ATAD1: variants seen among roughly 807,000 people sequenced by gnomAD.
The protein encoded by ATAD1 is ATPase family AAA domain containing 1.
ATAD1 carries 18 observed loss-of-function variants against 42.7 expected under a neutral mutation model. That is an observed-to-expected ratio of 0.42 (90% CI 0.29 to 0.63). ATAD1 has a LOEUF of 0.63. ATAD1 is among the 20% of genes least tolerant of loss of function. ATAD1 has a pLI of 0.19. For missense variants in ATAD1, 294 were observed against 440.4 expected, an observed-to-expected ratio of 0.67 and a Z score of 2.98; for synonymous variants, 132 against 143.1, an observed-to-expected ratio of 0.92 and a Z score of 0.55.
At chr10:87,794,064 T>C (rs1856260381) in intron 2 of ATAD1, among the ~76,000 whole-genome samples, 1 of 151,874 alleles carries the variant, frequency 6.6e-6, no homozygotes, top group Non-Finnish European at 1.5e-5. Flanking sequence ...CTACAAAAAA[T>C]CAAAACTTAG....
chr10:87,754,950 C>T, intron 9 of ATAD1, 143 bp from the exon 10 acceptor site: 1 of 987,336 alleles, frequency 1.0e-6, no homozygotes, highest in Non-Finnish European at 1.4e-6. Flanking sequence ...AAAATGAAAT[C>T]TCTTTACCAT....
At chr10:87,821,541 A>G (rs1290246780), upstream of ATAD1, among the ~76,000 whole-genome samples, 1 of 152,112 alleles carries the variant, frequency 6.6e-6, no homozygotes, top group Non-Finnish European at 1.5e-5. Flanking sequence ...CAAAAAAAAA[A>G]ATTAGGTGTT....
Position 87,754,490 on chromosome 10 carries a change from TTCC to T in ATAD1, c.*194_*196del, listed in dbSNP as rs1854133266. The T allele has an allele frequency of 2.0e-6, 1 of 499,154 alleles. No homozygotes were observed. The highest frequency in any genetic ancestry group is 3.2e-6 in the Non-Finnish European group (1 of 312,890). The allele number at this position is 499,154 out of a possible 1,614,324, so 30.9% of individuals were successfully genotyped here. ...CCCACGTTCAGGCTGGATTCAACTG[TTCC>T]TCCTCATGATTTTTGACCAACAGTA... On this transcript the variant is annotated 3_prime_UTR_variant, in exon 10 of 10. Coordinates refer to ENST00000680024, the MANE Select transcript of ATAD1 (RefSeq NM_001321967.2).
At chr10:87,756,505 TG>T (rs1854229202) in intron 9 of ATAD1, among the ~76,000 whole-genome samples, 1 of 152,220 alleles carries the variant, frequency 6.6e-6, no homozygotes, top group Non-Finnish European at 1.5e-5. Context: ...CCAATTTACA[TG>T]GGAAATTTCC....
At chr10:87,795,257 C>CA (rs1000501169) in intron 2 of ATAD1, among the ~76,000 whole-genome samples, 3 of 151,870 alleles carry the variant, frequency 2.0e-5, no homozygotes, top group Admixed American at 6.6e-5. Context: ...TGGAACACAC[C>CA]AAAAAACACA....
At chr10:87,767,572 T>C (rs1301638612) in intron 8 of ATAD1, 101 bp downstream of exon 8, 1 of 1,095,814 alleles carries the variant, frequency 9.1e-7, no homozygotes, top group Non-Finnish European at 1.4e-6. Flanking sequence ...TGGAGATCCT[T>C]GGGGTATATC....
At position 87,831,604 on chromosome 10, in the gene ATAD1, T is replaced by C. The variant is rs574640469; in HGVS notation, c.-14+9583A>G. On this transcript the variant is annotated intron_variant, in intron 1 of 4. Transcript: ENST00000495903. The stretch of plus-strand genomic sequence containing the variant: ...TCTTCACTAGAGTTTGGGTCCTCCA[T>C]GCTGTACCAGTCACAATTTTGAGGG... Among the ~76,000 whole-genome samples the C allele has an allele frequency of 1.1e-4, 17 of 152,328 alleles. No homozygotes were observed. In the South Asian group the frequency reaches 3.5e-3, roughly 32 times the overall value.
intron 8 of ATAD1, among the ~76,000 whole-genome samples, chr10:87,757,164 C>A (rs796322450): frequency 1.3e-5 from 2 of 150,696 alleles, no homozygotes; most frequent in Admixed American, 1.3e-4. Context: ...TGGGGAAGAA[C>A]GGATATTGGA....
At chr10:87,809,531 TAA>T (rs35154376) in intron 2 of ATAD1, among the ~76,000 whole-genome samples, 17 of 146,962 alleles carry the variant, frequency 1.2e-4, no homozygotes, top group African/African-American at 1.5e-4. Flanking sequence ...GAACTTTCAT[TAA>T]AAAAAAAAAA....
chr10:87,771,148 T>C (rs1178320182), intron 6 of ATAD1, 107 bp from the exon 7 acceptor site: 6 of 714,054 alleles, frequency 8.4e-6, no homozygotes, highest in Non-Finnish European at 1.3e-5. Context: ...TTTAACTAAA[T>C]CCTTTGTAAG....
At chr10:87,780,218 C>A (rs1304392689) in intron 5 of ATAD1, among the ~76,000 whole-genome samples, 6 of 152,026 alleles carry the variant, frequency 3.9e-5, no homozygotes, top group Non-Finnish European at 7.4e-5. Flanking sequence ...GAAAAGATTA[C>A]ATAATGTATG....
intron 3 of ATAD1, among the ~76,000 whole-genome samples, chr10:87,792,225 A>T (rs1241564129): frequency 6.6e-6 from 1 of 152,220 alleles, no homozygotes. Flanking sequence ...TGCAAACAAT[A>T]TGGTTTATGG....
chr10:87,826,705 C>T (rs566963000), intron 1 of ATAD1, among the ~76,000 whole-genome samples: 2 of 152,352 alleles, frequency 1.3e-5, no homozygotes, highest in South Asian at 4.1e-4. Flanking sequence ...AGTGTCCTCA[C>T]AGGCTAGTAT....
At position 87,752,350 on chromosome 10, in the gene ATAD1, AG is replaced by A. The variant is rs2131739238; in HGVS notation, c.*2336del. On this transcript the variant is annotated 3_prime_UTR_variant, in exon 10 of 10. Coordinates refer to ENST00000680024, the MANE Select transcript of ATAD1 (RefSeq NM_001321967.2). ...TGGTTTAAGCATGGAGAATGCTTAA[AG>A]AATGAGCCTGGTCAACAGGAAATGT... The A allele has an allele frequency of 6.6e-6, 1 of 152,362 alleles. No homozygotes were observed. The highest frequency in any genetic ancestry group is 2.1e-4 in the South Asian group (1 of 4,832). The allele number at this position is 152,362 out of a possible 1,614,324, so 9.4% of individuals were successfully genotyped here.
chr10:87,793,394 A>G (rs1856223935), intron 2 of ATAD1, among the ~76,000 whole-genome samples: 1 of 152,240 alleles, frequency 6.6e-6, no homozygotes, highest in Admixed American at 6.5e-5. Context: ...CAATTAAAAT[A>G]AAGATAATGA....
intron 1 of ATAD1, among the ~76,000 whole-genome samples, chr10:87,829,536 G>A (rs1435640825): frequency 6.6e-6 from 1 of 152,158 alleles, no homozygotes; most frequent in African/African-American, 2.4e-5. Flanking sequence ...TTACAGGCAT[G>A]AGCCACCTCG....
intron 1 of ATAD1, among the ~76,000 whole-genome samples, chr10:87,839,595 C>T (rs758429241): frequency 6.6e-6 from 1 of 152,140 alleles, no homozygotes; most frequent in Non-Finnish European, 1.5e-5. Context: ...TAGAACTAGG[C>T]TATTGTCTCA....
At chr10:87,762,299 T>C (rs535023622) in intron 8 of ATAD1, among the ~76,000 whole-genome samples, 4 of 152,324 alleles carry the variant, frequency 2.6e-5, no homozygotes, top group Admixed American at 2.0e-4. Flanking sequence ...GTCTCCAAAA[T>C]TGTAACTACC....
rs7897414 is a variant in ATAD1 at position 87,780,174 on chromosome 10, T to C, written c.584-3747A>G. On this transcript the variant is annotated intron_variant, in intron 5 of 9. Coordinates refer to ENST00000680024, the MANE Select transcript of ATAD1 (RefSeq NM_001321967.2). Reference sequence around the variant, plus strand: ...ATCATGAAAAGATGTGGAGGAAACTTAAATGCATATTGCTAAGGGAAAGAA... The same window carrying C: ...ATCATGAAAAGATGTGGAGGAAACTCAAATGCATATTGCTAAGGGAAAGAA... Among the ~76,000 whole-genome samples the C allele has an allele frequency of 5.8e-3, 878 of 152,272 alleles. 7 individuals carry two copies. The highest frequency in any genetic ancestry group is 0.02 in the African/African-American group (842 of 41,556).
Sources: gnomAD v4.1 joint callset for allele counts (sites outside exome capture counted in the v4.1 genomes callset) on GRCh38, gnomAD v4.1.1 for gene constraint, MANE v1.5 for transcripts, NCBI Gene and HGNC (gene_info 2026-07-23, HGNC 2026-07-21) for gene names.